CNTN4: variants seen among roughly 807,000 people sequenced by gnomAD.
CNTN4 encodes the protein contactin-4.
Under a neutral mutation model 122.5 loss-of-function variants are expected in CNTN4, and 77 were observed. The ratio of observed to expected loss-of-function variants is 0.63; its 90% confidence interval spans 0.52 to 0.76. The LOEUF (loss-of-function observed/expected upper bound fraction) is 0.76, where lower values mean the gene tolerates loss of function less well. Among genes scored for constraint, CNTN4 ranks in the 30% least tolerant of loss-of-function variants. The pLI is 0.00. For missense variants in CNTN4, 1,256 were observed against 1,259.1 expected, an observed-to-expected ratio of 1.00 and a Z score of 0.04; for synonymous variants, 512 against 447.0, an observed-to-expected ratio of 1.15 and a Z score of -1.83.
chr3:2,805,419 T>C (rs2092443075), intron 6 of CNTN4, among the ~76,000 whole-genome samples: 2 of 152,150 alleles, frequency 1.3e-5, no homozygotes, highest in African/African-American at 2.4e-5. Context: ...TCAGGAGCAA[T>C]GTTGTGACGA....
chr3:2,411,178 G>A (rs2047213985), intron 3 of CNTN4, among the ~76,000 whole-genome samples: 1 of 152,118 alleles, frequency 6.6e-6, no homozygotes, highest in South Asian at 2.1e-4. Context: ...TCGGGGTCAG[G>A]GGCAGGATGA....
At chr3:2,820,525 G>T (rs2092838958) in intron 7 of CNTN4, among the ~76,000 whole-genome samples, 1 of 152,042 alleles carries the variant, frequency 6.6e-6, no homozygotes. Flanking sequence ...CATTGTAATT[G>T]ATGGCCATTT....
chr3:2,872,657 A>G (rs1364735244), intron 8 of CNTN4, among the ~76,000 whole-genome samples: 7 of 152,066 alleles, frequency 4.6e-5, no homozygotes, highest in African/African-American at 1.4e-4. Flanking sequence ...AGATTATCCT[A>G]TCTTAGAGTT....
intron 2 of CNTN4, among the ~76,000 whole-genome samples, chr3:2,164,324 G>T (rs931184492): frequency 1.3e-5 from 2 of 152,054 alleles, no homozygotes; most frequent in African/African-American, 4.8e-5. Flanking sequence ...GGAAGGCTGA[G>T]AAAATTCGCA....
At chr3:2,572,593 T>C (rs1254543488) in intron 4 of CNTN4, among the ~76,000 whole-genome samples, 1 of 152,170 alleles carries the variant, frequency 6.6e-6, no homozygotes, top group African/African-American at 2.4e-5. Context: ...TTGACTTGTT[T>C]TGTTATTCAG....
chr3:2,811,456 T>C (rs1043591363), intron 6 of CNTN4, among the ~76,000 whole-genome samples: 1 of 132,380 alleles, frequency 7.6e-6, no homozygotes, highest in Admixed American at 7.6e-5. Context: ...TATTTTATTA[T>C]TTATTTATTT....
intron 3 of CNTN4, among the ~76,000 whole-genome samples, chr3:2,530,771 C>T (rs1330889100): frequency 6.6e-6 from 1 of 152,074 alleles, no homozygotes. Flanking sequence ...AGAAAATGTT[C>T]TTAAAAGTGT....
intron 7 of CNTN4, among the ~76,000 whole-genome samples, chr3:2,823,291 G>A (rs2092917602): frequency 6.6e-6 from 1 of 152,202 alleles, no homozygotes; most frequent in Non-Finnish European, 1.5e-5. Context: ...GTGGGGTACT[G>A]AGTAATGGCA....
At chr3:2,422,223 G>C (rs539043937) in intron 3 of CNTN4, among the ~76,000 whole-genome samples, 48 of 152,292 alleles carry the variant, frequency 3.2e-4, no homozygotes, top group African/African-American at 1.1e-3. Context: ...GTTATCCCCT[G>C]CTCCTTAACC....
rs550874712 is a variant in CNTN4 at position 2,136,481 on chromosome 3, G to A, written c.-145+35842G>A. On this transcript the variant is annotated intron_variant, in intron 2 of 24. Coordinates refer to ENST00000418658, the MANE Select transcript of CNTN4 (RefSeq NM_175607.3). ...TTAATGTTTCATACTCCAGTATTTG[G>A]GCTCTGTGTATATATTGGTGATATT... Among the ~76,000 whole-genome samples, 313 of 152,148 alleles carry A rather than the reference G, an allele frequency of 2.1e-3. 1 individual carries two copies. The highest frequency in any genetic ancestry group is 3.6e-3 in the Non-Finnish European group (247 of 67,992).
At chr3:2,420,893 G>T (rs1354241) in intron 3 of CNTN4, among the ~76,000 whole-genome samples, 2 of 152,136 alleles carry the variant, frequency 1.3e-5, no homozygotes, top group East Asian at 1.9e-4. Context: ...TACCTCAAGA[G>T]ATGGCCGTAT....
chr3:2,445,804 G>T (rs2048604296), intron 3 of CNTN4, among the ~76,000 whole-genome samples: 2 of 152,058 alleles, frequency 1.3e-5, no homozygotes, highest in Admixed American at 6.6e-5. Context: ...GGAGCTTCCA[G>T]AACCCATCTC....
chr3:2,350,856 A>G (rs1011620402), intron 3 of CNTN4, among the ~76,000 whole-genome samples: 3 of 152,212 alleles, frequency 2.0e-5, no homozygotes, highest in Non-Finnish European at 4.4e-5. Flanking sequence ...ATGCATGAGT[A>G]AGAAATATGC....
intron 14 of CNTN4, among the ~76,000 whole-genome samples, chr3:3,019,954 G>T (rs1024408852): frequency 6.6e-6 from 1 of 151,702 alleles, no homozygotes; most frequent in Non-Finnish European, 1.5e-5. Context: ...CTGTAAGTTT[G>T]AAATTATTTC....
chr3:2,919,866 T>A (rs1331554342), intron 12 of CNTN4, among the ~76,000 whole-genome samples: 2 of 152,148 alleles, frequency 1.3e-5, no homozygotes, highest in East Asian at 3.9e-4. Flanking sequence ...TTAATCAACA[T>A]GTTGATTATA....
At chr3:2,526,732 C>G (rs1341679081) in intron 3 of CNTN4, among the ~76,000 whole-genome samples, 1 of 151,964 alleles carries the variant, frequency 6.6e-6, no homozygotes, top group Non-Finnish European at 1.5e-5. Context: ...AATATCTTCC[C>G]TGAGGTTTTT....
chr3:2,229,476 A>G (rs2039404353), intron 2 of CNTN4, among the ~76,000 whole-genome samples: 1 of 152,164 alleles, frequency 6.6e-6, no homozygotes, highest in Non-Finnish European at 1.5e-5. Flanking sequence ...CCTTAGAAAA[A>G]TCAAGACTCT....
intron 7 of CNTN4, among the ~76,000 whole-genome samples, chr3:2,863,475 A>G (rs2093691620): frequency 6.9e-6 from 1 of 145,434 alleles, no homozygotes; most frequent in Admixed American, 6.8e-5. Flanking sequence ...CAGCATAAGA[A>G]ATGGTTACGC....
At chr3:2,796,688 C>T (rs143547811) in intron 6 of CNTN4, among the ~76,000 whole-genome samples, 18 of 152,218 alleles carry the variant, frequency 1.2e-4, no homozygotes, top group East Asian at 3.9e-4. Context: ...TGAGACTTAT[C>T]GGAAGAAATG....
Sources: gnomAD v4.1 joint callset for allele counts (sites outside exome capture counted in the v4.1 genomes callset) on GRCh38, gnomAD v4.1.1 for gene constraint, MANE v1.5 for transcripts, NCBI Gene and HGNC (gene_info 2026-07-23, HGNC 2026-07-21) for gene names.